The following S100A3 variants were observed in gnomAD, a reference collection of about 807,000 sequenced individuals.
S100A3 encodes the protein protein S100-A3.
A neutral mutation model predicts 8.0 loss-of-function variants in S100A3; 11 were observed. The ratio of observed to expected loss-of-function variants is 1.37; its 90% CI spans 0.86 to 2.27. The LOEUF is 2.27. Ranked by LOEUF, S100A3 falls within the 30% of genes most tolerant of loss-of-function variation. The pLI is 0.00. For synonymous variants in S100A3, 43 were observed against 49.6 expected (o/e 0.87, Z 0.56); for missense variants, 124 against 127.1 (o/e 0.98, Z 0.12).
chr1:153,548,390 C>T lies in S100A3; in HGVS notation c.96G>A (p.Ala32=), dbSNP rs201210662. 15 of 1,613,866 alleles carry T rather than the reference C, an allele frequency of 9.3e-6. No individual in the cohort carries two copies. The highest frequency in any genetic ancestry group is 6.7e-5 in the East Asian group (3 of 44,874). Residue 32 remains alanine (A), a synonymous_variant, in exon 2 of 3, where the codon GCG becomes GCA. Transcript: ENST00000368713. Reference sequence around the variant, plus strand: ...CCTTCTGCAGCAGCTCCTTGAGCTCCGCCTGGCAGAGCTTGTATTTGTCCC... The same window carrying T: ...CCTTCTGCAGCAGCTCCTTGAGCTCTGCCTGGCAGAGCTTGTATTTGTCCC... ...RCGDKYKLCQ[A]ELKELLQKEL...
chr1:153,547,625 G>A lies in S100A3; in HGVS notation c.*57C>T. ...AAGGGGTACAGGAGAGAGGGTAGGA[G>A]GGGGTGTGGGAGACATGCCCAGCCC... On this transcript the variant is annotated 3_prime_UTR_variant, in exon 3 of 3. Transcript: ENST00000368713. The surrounding 1 kb of genome is among the most constrained non-coding windows in gnomAD (Gnocchi z 4.0). 2 of 1,577,336 alleles carry A rather than the reference G, an allele frequency of 1.3e-6. No individual in the cohort carries two copies. Among genetic ancestry groups the A allele is most frequent in the East Asian group, 2.2e-5 (1 of 44,614 alleles).
At position 153,549,210 on chromosome 1, in the gene S100A3, G is replaced by C. The variant is rs564595122; in HGVS notation, c.-35C>G. 1 of 152,574 alleles carries C rather than the reference G, an allele frequency of 6.6e-6. No homozygotes were observed. Among genetic ancestry groups the C allele is most frequent in the East Asian group, 1.9e-4 (1 of 5,186 alleles). The allele number at this position is 152,574 out of a possible 1,614,324, so 9.5% of individuals were successfully genotyped here. ...CTGGCCCAGTCAGGAACCTGAACCAGATGGTCTCTTGAGAGTTGACCAGTT... is the reference window on the plus strand; with the variant it reads ...CTGGCCCAGTCAGGAACCTGAACCACATGGTCTCTTGAGAGTTGACCAGTT... On this transcript the variant is annotated 5_prime_UTR_variant, in exon 1 of 3. In the 5' UTR this introduces an upstream ATG that the reference lacks. Transcript: ENST00000368713.
Position 153,548,449 on chromosome 1 carries a change from C to T in S100A3, c.37G>A (p.Val13Met), listed in dbSNP as rs200355997. The part of the protein sequence containing the change: ...RPLEQAVAAI[V>M]CTFQEYAGRC... ...CCTGCGTATTCCTGGAAGGTGCACA[C>T]GATGGCAGCTACCGCCTGCTCCAGA... The change falls in exon 2 of 3, where the codon GTG (valine) becomes ATG (methionine). Residue 13 changes from valine (V) to methionine (M), a missense_variant. Transcript: ENST00000368713. 3 of 1,608,736 alleles carry T rather than the reference C, an allele frequency of 1.9e-6. No homozygotes were observed. The highest frequency in any genetic ancestry group is 1.7e-5 in the Admixed American group (1 of 59,776).
Position 153,547,611 on chromosome 1 carries a change from G to A in S100A3, c.*71C>T, listed in dbSNP as rs1328907474. On this transcript the variant is annotated 3_prime_UTR_variant, in exon 3 of 3. Transcript: ENST00000368713. The surrounding 1 kb of genome is among the most constrained non-coding windows in gnomAD (Gnocchi z 4.0). Reference sequence around the variant, plus strand: ...CAAGTCCAGATTGAAAGGGGTACAGGAGAGAGGGTAGGAGGGGGTGTGGGA... The same window carrying A: ...CAAGTCCAGATTGAAAGGGGTACAGAAGAGAGGGTAGGAGGGGGTGTGGGA... 1 of 1,545,262 alleles carries A rather than the reference G, an allele frequency of 6.5e-7. No homozygotes were observed.
rs758943800 is a variant in S100A3 at position 153,547,820 on chromosome 1, G to A, written c.168C>T (p.Asn56=). ...TPTEFRECDY[N]KFMSVLDTNK... ...TGGTGTCCAGAACACTCATGAATTT[G>A]TTGTAGTCACATTCCCGAAACTCAG... The change falls in exon 3 of 3, where the codon AAC becomes AAT. Residue 56 remains asparagine (N), a synonymous_variant. Coordinates refer to ENST00000368713, the MANE Select transcript of S100A3 (RefSeq NM_002960.2). This position sits in a 1 kb window ranked among gnomAD's most constrained non-coding sequence, Gnocchi z 4.0. 1.9e-6 allele frequency: 3 copies of A among 1,613,820 alleles called. No homozygotes were observed. In the Admixed American group the frequency reaches 5.0e-5, roughly 27 times the overall value.
At position 153,547,693 on chromosome 1, in the gene S100A3, AGGGGGGCTCTGAGGG is replaced by A; in HGVS notation, c.280_294del (p.Pro94_Pro98del). ...CCCTGGAGCAGAGGCTACTGGGAGC[AGGGGGGCTCTGAGGG>A]GCAGTCCTTGAAGTACTCGTGGCAG... On this transcript the variant is annotated inframe_deletion, in exon 3 of 3. Transcript: ENST00000368713. This position sits in a 1 kb window ranked among gnomAD's most constrained non-coding sequence, Gnocchi z 4.0. 1 of 1,613,732 alleles carries A rather than the reference AGGGGGGCTCTGAGGG, an allele frequency of 6.2e-7. No homozygotes were observed. Among genetic ancestry groups the A allele is most frequent in the South Asian group, 1.1e-5 (1 of 91,052 alleles).
In S100A3 at chr1:153,547,436, C is replaced by A; in HGVS notation, c.*246G>T. 1 of 500,446 alleles carries A rather than the reference C, an allele frequency of 2.0e-6. No homozygotes were observed. The highest frequency in any genetic ancestry group is 3.6e-6 in the Non-Finnish European group (1 of 279,968). 31.0% of individuals were successfully genotyped at this position (500,446 alleles called of 1,614,324 possible). A position where few individuals can be genotyped will look rare whatever the true frequency, so the allele number is the denominator to read the frequency against. ...GGCCTCAGAGCAGATCCCGCCTCCT[C>A]CCATCCACAAGGGAGGCCACAGGGG... On this transcript the variant is annotated 3_prime_UTR_variant, in exon 3 of 3. Transcript: ENST00000368713. The surrounding 1 kb of genome is among the most constrained non-coding windows in gnomAD (Gnocchi z 4.0).
chr1:153,547,363 C>A lies in S100A3; in HGVS notation c.*319G>T. The A allele has an allele frequency of 3.5e-6, 1 of 282,438 alleles. No homozygotes were observed. Among genetic ancestry groups the A allele is most frequent in the Non-Finnish European group, 6.6e-6 (1 of 151,118 alleles). The allele number at this position is 282,438 out of a possible 1,614,324, so 17.5% of individuals were successfully genotyped here. A position where few individuals can be genotyped will look rare whatever the true frequency, so the allele number is the denominator to read the frequency against. ...AGTTTTTTATTAGGAGTTAAATAGGCCCTTTCCCATCGTGGTCTCATTGGT... is the reference window on the plus strand; with the variant it reads ...AGTTTTTTATTAGGAGTTAAATAGGACCTTTCCCATCGTGGTCTCATTGGT... On this transcript the variant is annotated 3_prime_UTR_variant, in exon 3 of 3. Coordinates refer to ENST00000368713, the MANE Select transcript of S100A3 (RefSeq NM_002960.2). This position sits in a 1 kb window ranked among gnomAD's most constrained non-coding sequence, Gnocchi z 4.0.
rs1665662778 is a variant in S100A3, at chr1:153,549,206, A to T, written c.-31T>A. 1 of 152,434 alleles carries T rather than the reference A, an allele frequency of 6.6e-6. No individual in the cohort carries two copies. Among genetic ancestry groups the T allele is most frequent in the Non-Finnish European group, 1.5e-5 (1 of 68,210 alleles). The allele number at this position is 152,434 out of a possible 1,614,324, so 9.4% of individuals were successfully genotyped here. ...CTCGCTGGCCCAGTCAGGAACCTGA[A>T]CCAGATGGTCTCTTGAGAGTTGACC... On this transcript the variant is annotated 5_prime_UTR_variant, in exon 1 of 3. Transcript: ENST00000368713.
In S100A3 at chr1:153,548,510, T is replaced by G; in HGVS notation, c.-5-20A>C. On this transcript the variant is annotated intron_variant, in intron 1 of 2. Coordinates refer to ENST00000368713, the MANE Select transcript of S100A3 (RefSeq NM_002960.2). ...TCCTCACTGTCACAGAACAAGGGTG[T>G]GGCTCACAGCAGAGTTCCAGGCCAG... 1 of 1,559,422 alleles carries G rather than the reference T, an allele frequency of 6.4e-7. No homozygotes were observed. Among genetic ancestry groups the G allele is most frequent in the East Asian group, 2.3e-5 (1 of 44,106 alleles).
intron 2 of S100A3, 150 bp downstream of exon 2, chr1:153,548,195 G>A (rs1665629810): frequency 4.0e-6 from 4 of 997,178 alleles, no homozygotes; most frequent in Non-Finnish European, 6.0e-6. Context: ...TTTCTGCTGT[G>A]TCAGTTCTCC....
chr1:153,548,576 G>A, intron 1 of S100A3, 86 bp from the exon 2 acceptor site: 1 of 1,489,494 alleles, frequency 6.7e-7, no homozygotes, highest in Non-Finnish European at 8.9e-7. Context: ...CTCAGAGACT[G>A]TTCCCAGACC....
In S100A3 at chr1:153,548,308, C is replaced by A. The variant is rs28718953; in HGVS notation, c.141+37G>T. Reference sequence around the variant, plus strand: ...TTGCAGAGTCTAGGCAGTGCCTCCCCCCGGAGGAGGAGGGGACGGACACTC... The same window carrying A: ...TTGCAGAGTCTAGGCAGTGCCTCCCACCGGAGGAGGAGGGGACGGACACTC... On this transcript the variant is annotated intron_variant, in intron 2 of 2. Transcript: ENST00000368713. 0.068 allele frequency: 108,777 copies of A among 1,610,242 alleles called. 7,358 individuals carry two copies. The highest frequency in any genetic ancestry group is 0.36 in the African/African-American group (26,950 of 74,664).
chr1:153,548,049 C>T (rs146913537), intron 2 of S100A3, among the ~76,000 whole-genome samples: 1 of 152,136 alleles, frequency 6.6e-6, no homozygotes, highest in Non-Finnish European at 1.5e-5. Context: ...GATTATTAAT[C>T]GAGCACCTAC....
chr1:153,548,310 C>G, intron 2 of S100A3, 35 bp downstream of exon 2: 1 of 1,611,342 alleles, frequency 6.2e-7, no homozygotes, highest in Non-Finnish European at 8.5e-7. Flanking sequence ...TGCCTCCCCC[C>G]GGAGGAGGAG....
intron 1 of S100A3, chr1:153,548,885 A>C (rs1284675347): frequency 1.2e-5 from 2 of 169,312 alleles, no homozygotes; most frequent in Non-Finnish European, 2.6e-5. Flanking sequence ...GAGATGCCCT[A>C]GAAGCCTCCC....
In S100A3 at chr1:153,547,778, C is replaced by T. The variant is rs1298364566; in HGVS notation, c.210G>A (p.Val70=). The part of the protein sequence containing the change: ...SVLDTNKDCE[V]DFVEYVRSLA... ...GTGAGCGCACATACTCCACAAAGTC[C>T]ACCTCGCAGTCCTTGTTGGTGTCCA... The change falls in exon 3 of 3, where the codon GTG becomes GTA. Residue 70 remains valine, a synonymous_variant. Coordinates refer to ENST00000368713, the MANE Select transcript of S100A3 (RefSeq NM_002960.2). The surrounding 1 kb of genome is among the most constrained non-coding windows in gnomAD (Gnocchi z 4.0). 6.8e-6 allele frequency: 11 copies of T among 1,614,020 alleles called. No individual in the cohort carries two copies. The highest frequency in any genetic ancestry group is 9.3e-6 in the Non-Finnish European group (11 of 1,179,938).
intron 1 of S100A3, 137 bp from the exon 2 acceptor site, chr1:153,548,627 C>T (rs1278528290): frequency 8.5e-7 from 1 of 1,177,474 alleles, no homozygotes; most frequent in Non-Finnish European, 1.2e-6. Context: ...GCAGTCTCCC[C>T]CTCCTCTGAG....
Position 153,548,620 on chromosome 1 carries a change from G to A in S100A3, c.-5-130C>T, listed in dbSNP as rs1003175956. On this transcript the variant is annotated intron_variant, in intron 1 of 2. Coordinates refer to ENST00000368713, the MANE Select transcript of S100A3 (RefSeq NM_002960.2). ...CCTCCATCAGGCTTCAGGCCCCGCA[G>A]TCTCCCCCTCCTCTGAGTAGCCCTC... The A allele has an allele frequency of 4.8e-5, 59 of 1,221,754 alleles. No homozygotes were observed. In the Admixed American group the frequency reaches 1.4e-3, roughly 28 times the overall value. The allele number at this position is 1,221,754 out of a possible 1,614,324, so 75.7% of individuals were successfully genotyped here. A position where few individuals can be genotyped will look rare whatever the true frequency, so the allele number is the denominator to read the frequency against.
Sources: gnomAD v4.1 joint callset for allele counts (sites outside exome capture counted in the v4.1 genomes callset) on GRCh38, gnomAD v4.1.1 for gene constraint, Gnocchi (gnomAD v3.1) non-coding constraint, MANE v1.5 for transcripts, NCBI Gene and HGNC (gene_info 2026-07-23, HGNC 2026-07-21) for gene names.